PCCA: variants seen among roughly 807,000 people sequenced by gnomAD.
PCCA encodes the protein propionyl-CoA carboxylase subunit alpha.
A neutral mutation model predicts 101.3 loss-of-function variants in PCCA; 74 were observed. That is an observed-to-expected ratio of 0.73 (90% CI 0.61 to 0.89). PCCA has a LOEUF of 0.89. Among genes scored for constraint, PCCA ranks in the 40% least tolerant of loss-of-function variants. The pLI, the probability that PCCA is intolerant of heterozygous loss-of-function variation, is 0.00. For synonymous variants in PCCA, 294 were observed against 313.6 expected, an observed-to-expected ratio of 0.94 and a Z score of 0.66; for missense variants, 891 against 907.0, an observed-to-expected ratio of 0.98 and a Z score of 0.23.
At chr13:100,165,259 A>G (rs1401168606) in intron 6 of PCCA, among the ~76,000 whole-genome samples, 1 of 152,196 alleles carries the variant, frequency 6.6e-6, no homozygotes, top group Non-Finnish European at 1.5e-5. Flanking sequence ...ACTGTTTTCC[A>G]TAGTGGCTGT....
chr13:100,525,026 T>TAGATAGATAGATAGACAGAC (rs1178941372), intron 22 of PCCA, among the ~76,000 whole-genome samples: 1 of 142,526 alleles, frequency 7.0e-6, no homozygotes, highest in African/African-American at 2.6e-5. Flanking sequence ...GATAGATAGA[T>TAGATAGATAGATAGACAGAC]AGACAGACAG....
At chr13:100,312,330 G>C (rs2066985784) in intron 16 of PCCA, among the ~76,000 whole-genome samples, 2 of 152,202 alleles carry the variant, frequency 1.3e-5, no homozygotes. Context: ...AAAGTAACTA[G>C]TACTGCTTTA....
chr13:100,098,300 A>C (rs1162099159), intron 1 of PCCA, among the ~76,000 whole-genome samples: 1 of 152,220 alleles, frequency 6.6e-6, no homozygotes, highest in African/African-American at 2.4e-5. Flanking sequence ...AAATGTAAAA[A>C]TTCACTAATG....
intron 18 of PCCA, among the ~76,000 whole-genome samples, chr13:100,363,293 C>A (rs779287909): frequency 7.2e-5 from 11 of 152,070 alleles, no homozygotes; most frequent in Non-Finnish European, 1.6e-4. Flanking sequence ...TCTAAAGTTT[C>A]ATTAAAATTG....
intron 4 of PCCA, chr13:100,150,768 A>G (rs767595473): frequency 1.9e-6 from 3 of 1,588,860 alleles, no homozygotes; most frequent in Non-Finnish European, 2.6e-6. Flanking sequence ...AAAGCCCCAC[A>G]GTGGCGTCCA....
intron 7 of PCCA, among the ~76,000 whole-genome samples, chr13:100,216,720 A>C (rs13313342): frequency 0.04 from 6,101 of 152,330 alleles, 420 homozygotes; most frequent in African/African-American, 0.14. Context: ...ATAGAAACAT[A>C]TCCACATATG....
At chr13:100,143,263 C>T (rs779130723) in intron 4 of PCCA, among the ~76,000 whole-genome samples, 8 of 152,062 alleles carry the variant, frequency 5.3e-5, no homozygotes, top group Admixed American at 3.3e-4. Flanking sequence ...GGTGCGGTGG[C>T]TCATGCCTGT....
At chr13:100,331,283 T>C (rs1388920934) in intron 17 of PCCA, among the ~76,000 whole-genome samples, 1 of 152,094 alleles carries the variant, frequency 6.6e-6, no homozygotes, top group Non-Finnish European at 1.5e-5. Flanking sequence ...TAACATAAGA[T>C]ATTGAGAGAT....
intron 6 of PCCA, among the ~76,000 whole-genome samples, chr13:100,193,272 C>T (rs1045516075): frequency 1.3e-5 from 2 of 152,156 alleles, no homozygotes; most frequent in Non-Finnish European, 2.9e-5. Context: ...CTTGAAGACC[C>T]TCATTTTACT....
chr13:100,190,408 C>T (rs915890512), intron 6 of PCCA, among the ~76,000 whole-genome samples: 2 of 152,176 alleles, frequency 1.3e-5, no homozygotes, highest in Non-Finnish European at 2.9e-5. Flanking sequence ...CGTGGCTGGG[C>T]GTGGTGGCTC....
chr13:100,444,211 T>G (rs1014999295), intron 20 of PCCA, among the ~76,000 whole-genome samples: 1 of 151,590 alleles, frequency 6.6e-6, no homozygotes, highest in South Asian at 2.1e-4. Flanking sequence ...AATTTTTTTT[T>G]TTTTTTTTGA....
intron 4 of PCCA, among the ~76,000 whole-genome samples, chr13:100,127,545 A>C (rs1159268364): frequency 2.6e-5 from 4 of 152,248 alleles, no homozygotes; most frequent in Non-Finnish European, 2.9e-5. Flanking sequence ...TTCTCTAAGC[A>C]GCTATTTGGG....
intron 21 of PCCA, among the ~76,000 whole-genome samples, chr13:100,511,218 G>A (rs2086453570): frequency 6.6e-6 from 1 of 152,200 alleles, no homozygotes; most frequent in East Asian, 1.9e-4. Context: ...AGCCACGCCA[G>A]TGTTTTTAAA....
chr13:100,129,239 C>T (rs1283709246), intron 4 of PCCA, among the ~76,000 whole-genome samples: 1 of 152,142 alleles, frequency 6.6e-6, no homozygotes, highest in Non-Finnish European at 1.5e-5. Flanking sequence ...GTTATTGCTT[C>T]TTTAGCAAGG....
At chr13:100,440,857 A>G (rs1452978540) in intron 20 of PCCA, among the ~76,000 whole-genome samples, 1 of 152,306 alleles carries the variant, frequency 6.6e-6, no homozygotes, top group East Asian at 1.9e-4. Flanking sequence ...TATTAACCAT[A>G]TCCTTTTTAC....
intron 21 of PCCA, among the ~76,000 whole-genome samples, chr13:100,507,392 G>T (rs906909480): frequency 2.0e-5 from 3 of 152,138 alleles, no homozygotes; most frequent in African/African-American, 7.2e-5. Flanking sequence ...CTCCAGGTAG[G>T]CTGCTGTCAT....
intron 7 of PCCA, among the ~76,000 whole-genome samples, chr13:100,229,985 C>A (rs2060368659): frequency 6.6e-6 from 1 of 152,152 alleles, no homozygotes; most frequent in African/African-American, 2.4e-5. Context: ...ATGAATAGTT[C>A]TGTTGGCATT....
intron 6 of PCCA, among the ~76,000 whole-genome samples, chr13:100,163,783 T>C (rs752578816): frequency 6.6e-6 from 1 of 152,304 alleles, no homozygotes; most frequent in Non-Finnish European, 1.5e-5. Context: ...ATTATTTGTT[T>C]TCTCTCAGTC....
chr13:100,272,019 G>T (rs978604416), intron 11 of PCCA, among the ~76,000 whole-genome samples: 1 of 152,180 alleles, frequency 6.6e-6, no homozygotes, highest in Non-Finnish European at 1.5e-5. Flanking sequence ...TCCACAAGTA[G>T]AAAAGTAGTT....
Sources: gnomAD v4.1 joint callset for allele counts (sites outside exome capture counted in the v4.1 genomes callset) on GRCh38, gnomAD v4.1.1 for gene constraint, MANE v1.5 for transcripts, NCBI Gene and HGNC (gene_info 2026-07-23, HGNC 2026-07-21) for gene names.